The following NDUFA12 variants were observed in gnomAD, a reference collection of about 807,000 sequenced individuals.
The protein encoded by NDUFA12 is NADH:ubiquinone oxidoreductase subunit A12, also known as NADH dehydrogenase [ubiquinone] 1 alpha subcomplex subunit 12.
NDUFA12 carries 17 observed loss-of-function variants against 20.3 expected under a neutral mutation model. The ratio of observed to expected loss-of-function variants is 0.84; its 90% CI spans 0.57 to 1.26. NDUFA12 has a LOEUF of 1.26. Among genes scored for constraint, NDUFA12 ranks in the 50% most tolerant of loss-of-function variants. NDUFA12 has a pLI of 0.00. For synonymous variants in NDUFA12, 72 were observed against 63.6 expected, an observed-to-expected ratio of 1.13 and a Z score of -0.63; for missense variants, 191 against 183.7, an observed-to-expected ratio of 1.04 and a Z score of -0.23.
At chr12:95,001,202 A>C (rs1400135746) in intron 2 of NDUFA12, among the ~76,000 whole-genome samples, 2 of 152,168 alleles carry the variant, frequency 1.3e-5, no homozygotes, top group Non-Finnish European at 1.5e-5. Flanking sequence ...GCTACATAGG[A>C]GGCTGAGGCA....
chr12:94,989,581 A>G (rs566404722), intron 3 of NDUFA12, among the ~76,000 whole-genome samples: 2 of 152,318 alleles, frequency 1.3e-5, no homozygotes, highest in Admixed American at 1.3e-4. Context: ...CAAGCCGTGA[A>G]GCTTCCCATA....
chr12:94,992,890 A>C (rs1874691322), intron 3 of NDUFA12, among the ~76,000 whole-genome samples: 1 of 150,606 alleles, frequency 6.6e-6, no homozygotes, highest in Non-Finnish European at 1.5e-5. Context: ...CTCCTGACCC[A>C]AAAAAAAACT....
intron 3 of NDUFA12, among the ~76,000 whole-genome samples, chr12:94,984,725 A>AG (rs1874355594): frequency 8.3e-6 from 1 of 119,850 alleles, no homozygotes; most frequent in Non-Finnish European, 1.7e-5. Flanking sequence ...AAAAAAAAAA[A>AG]ACAACAAAAA....
intron 2 of NDUFA12, chr12:94,996,990 G>T: frequency 2.6e-6 from 1 of 386,278 alleles, no homozygotes; most frequent in Non-Finnish European, 5.0e-6. Context: ...TAAAACAATA[G>T]TTTTTAGACA....
At chr12:94,971,652 GA>G (rs1873889941) in intron 3 of NDUFA12, 32 bp from the exon 4 acceptor site, 5 of 1,612,430 alleles carry the variant, frequency 3.1e-6, no homozygotes, top group Non-Finnish European at 3.4e-6. Flanking sequence ...AAACAGTTAT[GA>G]AGAGGCAGTA....
At chr12:94,990,676 A>G (rs1041097419) in intron 3 of NDUFA12, among the ~76,000 whole-genome samples, 6 of 152,076 alleles carry the variant, frequency 3.9e-5, no homozygotes, top group Non-Finnish European at 5.9e-5. Flanking sequence ...AGCGAGCCTC[A>G]TGCCTCAGCC....
intron 3 of NDUFA12, among the ~76,000 whole-genome samples, chr12:94,992,447 T>C (rs1272592753): frequency 6.6e-6 from 1 of 152,200 alleles, no homozygotes; most frequent in Non-Finnish European, 1.5e-5. Context: ...GGTGATACTA[T>C]GGCATATTGT....
At chr12:95,001,736 C>T (rs536106640) in intron 2 of NDUFA12, among the ~76,000 whole-genome samples, 11 of 152,264 alleles carry the variant, frequency 7.2e-5, no homozygotes, top group African/African-American at 1.9e-4. Flanking sequence ...ATAAGAGTCT[C>T]GCTCTGTTGC....
intron 3 of NDUFA12, among the ~76,000 whole-genome samples, chr12:94,973,763 T>G (rs1161226602): frequency 6.6e-6 from 1 of 152,106 alleles, no homozygotes; most frequent in Non-Finnish European, 1.5e-5. Flanking sequence ...CTAGCAAGCC[T>G]ACATGCAAGA....
At position 94,971,373 on chromosome 12, in the gene NDUFA12, A is replaced by G. The variant is rs1326481344; in HGVS notation, c.*67T>C. 6.7e-7 allele frequency: 1 copy of G among 1,498,390 alleles called. No individual in the cohort carries two copies. Among genetic ancestry groups the G allele is most frequent in the Admixed American group, 1.7e-5 (1 of 59,766 alleles). 92.8% of individuals were successfully genotyped at this position (1,498,390 alleles called of 1,614,324 possible). A position where few individuals can be genotyped will look rare whatever the true frequency, so the allele number is the denominator to read the frequency against. On this transcript the variant is annotated 3_prime_UTR_variant, in exon 4 of 4. Coordinates refer to ENST00000327772, the MANE Select transcript of NDUFA12 (RefSeq NM_018838.5). ...TTAATTGTGAATTATAGTGAATGGT[A>G]AACAGTAAAAGAGTAATTACATGAA...
Position 95,003,529 on chromosome 12 carries a change from C to T in NDUFA12, c.86+66G>A, listed in dbSNP as rs145603176. On this transcript the variant is annotated intron_variant, in intron 1 of 3. Coordinates refer to ENST00000327772, the MANE Select transcript of NDUFA12 (RefSeq NM_018838.5). ...TCCAAGGTGACCCGAGCCTGGGACCCCTTCCAAGAAATCAGCCAGCGAAAG... is the reference window on the plus strand; with the variant it reads ...TCCAAGGTGACCCGAGCCTGGGACCTCTTCCAAGAAATCAGCCAGCGAAAG... 2.2e-3 allele frequency: 3,330 copies of T among 1,525,994 alleles called. 5 individuals carry two copies. Among genetic ancestry groups the T allele is most frequent in the Non-Finnish European group, 2.6e-3 (2,838 of 1,099,656 alleles). 94.5% of individuals were successfully genotyped at this position (1,525,994 alleles called of 1,614,324 possible).
intron 3 of NDUFA12, among the ~76,000 whole-genome samples, chr12:94,986,373 C>T (rs1023173765): frequency 1.3e-5 from 2 of 152,016 alleles, no homozygotes; most frequent in Admixed American, 1.3e-4. Flanking sequence ...AGCTTTAGTG[C>T]TCTACTGCAC....
In NDUFA12 at chr12:94,984,492, T is replaced by G. The variant is rs1456706575; in HGVS notation, c.257+9678A>C. On this transcript the variant is annotated intron_variant, in intron 3 of 3. Transcript: ENST00000327772. ...TGCGGTTGAGCTGAGATTGCGCCAT[T>G]GCACTCCAGCCTGGGCAGTAAGAGT... Among the ~76,000 whole-genome samples the G allele has an allele frequency of 3.3e-5, 5 of 151,324 alleles. No individual in the cohort carries two copies. The East Asian group carries it at 7.8e-4, about 24-fold the overall frequency.
intron 3 of NDUFA12, among the ~76,000 whole-genome samples, chr12:94,984,551 A>G (rs79967057): frequency 6.7e-6 from 1 of 149,092 alleles, no homozygotes; most frequent in South Asian, 2.1e-4. Flanking sequence ...AAAAAGCAAC[A>G]AAAAAAAGCA....
intron 3 of NDUFA12, among the ~76,000 whole-genome samples, chr12:94,987,733 C>T (rs114350133): frequency 0.013 from 1,719 of 133,142 alleles, 32 homozygotes; most frequent in African/African-American, 0.045. Flanking sequence ...CCCAGGAGGT[C>T]GAGGCTGCAG....
At chr12:94,988,231 AGAG>A (rs1378409028) in intron 3 of NDUFA12, among the ~76,000 whole-genome samples, 3 of 152,186 alleles carry the variant, frequency 2.0e-5, no homozygotes, top group Middle Eastern at 6.3e-3. Context: ...AAAAGCCCTA[AGAG>A]GATAAGGGTA....
At chr12:94,972,434 C>T (rs569978928) in intron 3 of NDUFA12, 3 of 451,536 alleles carry the variant, frequency 6.6e-6, no homozygotes, top group African/African-American at 2.0e-5. Context: ...TCTGGATTTT[C>T]AGTATGCTCA....
Position 94,982,260 on chromosome 12 carries a change from T to C in NDUFA12, c.258-10640A>G, listed in dbSNP as rs1397634468. ...AGCTCACCCAGCCGTCCAGAAGCTA[T>C]TTTCTTTTTCTTTTCTTTTTTTTTT... On this transcript the variant is annotated intron_variant, in intron 3 of 3. Transcript: ENST00000327772. Among the ~76,000 whole-genome samples the C allele has an allele frequency of 3.2e-5, 4 of 126,272 alleles. No individual in the cohort carries two copies. The Admixed American group carries it at 3.9e-4, about 12-fold the overall frequency. The allele number at this position is 126,272 out of a possible 152,430, so 82.8% of individuals were successfully genotyped here. A position where few individuals can be genotyped will look rare whatever the true frequency, so the allele number is the denominator to read the frequency against.
At chr12:94,989,637 C>A (rs1874570245) in intron 3 of NDUFA12, among the ~76,000 whole-genome samples, 1 of 152,220 alleles carries the variant, frequency 6.6e-6, no homozygotes, top group South Asian at 2.1e-4. Context: ...AGGCTCCTCT[C>A]CACAAAGAAA....
Sources: gnomAD v4.1 joint callset for allele counts (sites outside exome capture counted in the v4.1 genomes callset) on GRCh38, gnomAD v4.1.1 for gene constraint, MANE v1.5 for transcripts, NCBI Gene and HGNC (gene_info 2026-07-23, HGNC 2026-07-21) for gene names.